AP1B1: variants seen among roughly 807,000 people sequenced by gnomAD.
AP1B1 encodes the protein AP-1 complex subunit beta-1.
A neutral mutation model predicts 104.3 loss-of-function variants in AP1B1; 36 were observed. The observed-to-expected ratio is 0.35, with a 90% CI of 0.26 to 0.46. AP1B1 has a LOEUF of 0.46. Ranked by LOEUF, AP1B1 falls within the 20% of genes least tolerant of loss-of-function variation. The pLI is 1.00. For missense variants in AP1B1, 901 were observed against 1,247.9 expected (o/e 0.72, Z 4.19); for synonymous variants, 504 against 517.5 (o/e 0.97, Z 0.35).
At position 29,331,777 on chromosome 22, in the gene AP1B1, C is replaced by G. The variant is rs766480290; in HGVS notation, c.2439+10G>C. ...TAAGGACTGGGGTGCCTGCCCTGCCCGGAACCCACCTGGAGGTTGTTCAGA... is the reference window on the plus strand; with the variant it reads ...TAAGGACTGGGGTGCCTGCCCTGCCGGGAACCCACCTGGAGGTTGTTCAGA... On this transcript the variant is annotated intron_variant, in intron 18 of 22. Transcript: ENST00000357586. The G allele has an allele frequency of 1.2e-6, 2 of 1,614,172 alleles. No homozygotes were observed. The highest frequency in any genetic ancestry group is 1.7e-6 in the Non-Finnish European group (2 of 1,180,030).
intron 5 of AP1B1, among the ~76,000 whole-genome samples, 173 bp from the exon 6 acceptor site, chr22:29,356,789 C>T (rs532576696): frequency 1.3e-5 from 2 of 152,310 alleles, no homozygotes; most frequent in East Asian, 3.9e-4. Context: ...CTGCTGACTC[C>T]TCTGCAAACT....
intron 14 of AP1B1, 100 bp from the exon 15 acceptor site, chr22:29,339,874 G>T: frequency 1.5e-6 from 2 of 1,321,768 alleles, no homozygotes; most frequent in Middle Eastern, 1.8e-4. Flanking sequence ...AGGGAAAGAG[G>T]GAGATTAGTC....
intron 5 of AP1B1, 118 bp downstream of exon 5, chr22:29,358,608 C>T: frequency 7.3e-7 from 1 of 1,379,266 alleles, no homozygotes; most frequent in Non-Finnish European, 9.9e-7. Context: ...ACAACTGGCA[C>T]CCCCAGCCAG....
chr22:29,351,805 T>C lies in AP1B1; in HGVS notation c.959A>G (p.Glu320Gly). The C allele has an allele frequency of 6.2e-7, 1 of 1,614,222 alleles. No individual in the cohort carries two copies. Among genetic ancestry groups the C allele is most frequent in the Non-Finnish European group, 8.5e-7 (1 of 1,180,034 alleles). Residue 320 changes from glutamate (E) to glycine (G), a missense_variant, in exon 8 of 23, where the codon GAG becomes GGG. Glu to Gly is a moderately conservative substitution (Grantham distance 98). This residue lies in a region of AP1B1 where 471 missense variants were observed against 696.7 expected (regional missense o/e 0.68). Coordinates refer to ENST00000357586, the MANE Select transcript of AP1B1 (RefSeq NM_001127.4). ...VQKRPEILKH[E>G]MKVFFVKYND... ...GTACTTCACGAAGAACACCTTCATC[T>C]CATGCTTCAGGATCTCAGGCCTGGT... is the stretch of plus-strand genomic sequence containing the variant.
At position 29,341,565 on chromosome 22, in the gene AP1B1, G is replaced by A; in HGVS notation, c.1732C>T (p.Pro578Ser). Residue 578 changes from proline (P) to serine (S), a missense_variant, in exon 13 of 23, where the codon CCC (proline) becomes TCC (serine). Pro to Ser is a moderately conservative substitution (Grantham distance 74). Around this residue, in one of 3 missense-constraint regions of AP1B1, gnomAD observed 424 missense variants for 494.0 expected, o/e 0.86. Coordinates refer to ENST00000357586, the MANE Select transcript of AP1B1 (RefSeq NM_001127.4). ...GTLASVYHKP[P>S]SAFVEGGRGV... ...CGGCCCCCCTCCACAAAGGCACTGG[G>A]AGGCTTATGGTAGACGGAAGCCAGC... 2 of 1,614,222 alleles carry A rather than the reference G, an allele frequency of 1.2e-6. No individual in the cohort carries two copies. Among genetic ancestry groups the A allele is most frequent in the Non-Finnish European group, 1.7e-6 (2 of 1,180,034 alleles).
At chr22:29,332,168 C>T (rs931515216) in intron 17 of AP1B1, 1 of 418,232 alleles carries the variant, frequency 2.4e-6, no homozygotes, top group African/African-American at 2.0e-5. Flanking sequence ...GGCCTGAAGC[C>T]CAGCTCTGTT....
chr22:29,342,227 AG>A, intron 12 of AP1B1, 57 bp downstream of exon 12: 3 of 1,440,110 alleles, frequency 2.1e-6, no homozygotes, highest in Middle Eastern at 2.1e-4. Flanking sequence ...CTGGGACAAA[AG>A]TTCCCCTGCT....
rs1031871875 is a variant in AP1B1, at chr22:29,340,786, G to A, written c.1868C>T (p.Pro623Leu). 2 of 1,600,616 alleles carry A rather than the reference G, an allele frequency of 1.2e-6. No individual in the cohort carries two copies. Among genetic ancestry groups the A allele is most frequent in the Admixed American group, 1.7e-5 (1 of 57,408 alleles). The change falls in exon 14 of 23, where the codon CCC becomes CTC. Residue 623 changes from proline to leucine, a missense_variant. Around this residue, in one of 3 missense-constraint regions of AP1B1, gnomAD observed 424 missense variants for 494.0 expected, o/e 0.86. Coordinates refer to ENST00000357586, the MANE Select transcript of AP1B1 (RefSeq NM_001127.4). ...APPGEQPDVI[P>L]AQGDLLGDLL... ...GTCACCCAGCAGGTCGCCCTGGGCG[G>A]GGATGACATCTGGCTGCTCCCCAGG...
chr22:29,332,378 A>G (rs1019340099), intron 17 of AP1B1: 2 of 153,842 alleles, frequency 1.3e-5, no homozygotes, highest in African/African-American at 4.8e-5. Flanking sequence ...GCTAGATTTT[A>G]CTCTCTTGGC....
chr22:29,341,931 C>G (rs2061721741), intron 12 of AP1B1, among the ~76,000 whole-genome samples, 171 bp from the exon 13 acceptor site: 1 of 152,198 alleles, frequency 6.6e-6, no homozygotes, highest in Admixed American at 6.5e-5. Flanking sequence ...TGCCCTGGCC[C>G]CGGGCTCATT....
intron 17 of AP1B1, chr22:29,333,148 C>A (rs1424013675): frequency 6.5e-6 from 1 of 154,692 alleles, no homozygotes; most frequent in Admixed American, 6.5e-5. Flanking sequence ...GACCTACTGG[C>A]CCCCAGGCTT....
At chr22:29,355,213 G>A (rs1008934835) in intron 6 of AP1B1, among the ~76,000 whole-genome samples, 1 of 151,942 alleles carries the variant, frequency 6.6e-6, no homozygotes, top group Non-Finnish European at 1.5e-5. Flanking sequence ...CTCCAGCCTG[G>A]GCAACAGAGT....
intron 6 of AP1B1, among the ~76,000 whole-genome samples, chr22:29,355,137 T>C (rs2061935823): frequency 6.6e-6 from 1 of 151,796 alleles, no homozygotes; most frequent in Admixed American, 6.6e-5. Flanking sequence ...CTCAGGAGGC[T>C]GAGACATGAG....
chr22:29,338,685 G>A (rs996446991), intron 16 of AP1B1, among the ~76,000 whole-genome samples: 25 of 152,298 alleles, frequency 1.6e-4, no homozygotes, highest in African/African-American at 5.5e-4. Flanking sequence ...ACAGGCCTCT[G>A]CTGATTCCCT....
At chr22:29,380,291 C>T (rs2062416398) in intron 1 of AP1B1, among the ~76,000 whole-genome samples, 1 of 152,166 alleles carries the variant, frequency 6.6e-6, no homozygotes, top group Admixed American at 6.5e-5. Context: ...ACACTGTGTG[C>T]CCCAGGGCTC....
intron 22 of AP1B1, 129 bp downstream of exon 22, chr22:29,329,583 G>A: frequency 6.5e-7 from 1 of 1,539,388 alleles, no homozygotes; most frequent in South Asian, 1.3e-5. Flanking sequence ...AGGGCCACCT[G>A]GCTGAAGCCC....
In AP1B1 at chr22:29,351,239, T is replaced by C. The variant is rs756010735; in HGVS notation, c.1087A>G (p.Thr363Ala). 2.5e-5 allele frequency: 40 copies of C among 1,614,064 alleles called. No homozygotes were observed. Among genetic ancestry groups the C allele is most frequent in the Non-Finnish European group, 3.3e-5 (39 of 1,180,034 alleles). ...CGTACAAAGTCCACATCCACTTCTG[T>C]TGCGTACTCTTTCAGCTCTGCCAAC... ...QVLAELKEYATEVDVDFVRKA... is the reference protein window; with the variant it reads ...QVLAELKEYAAEVDVDFVRKA... Residue 363 changes from threonine to alanine, a missense_variant, in exon 9 of 23, where the codon ACA becomes GCA. Around this residue, in one of 3 missense-constraint regions of AP1B1, gnomAD observed 471 missense variants for 696.7 expected, o/e 0.68. Coordinates refer to ENST00000357586, the MANE Select transcript of AP1B1 (RefSeq NM_001127.4).
chr22:29,388,516 G>C lies in AP1B1; in HGVS notation c.-120C>G, dbSNP rs1281247140. The C allele has an allele frequency of 6.6e-6, 1 of 152,174 alleles. No individual in the cohort carries two copies. The highest frequency in any genetic ancestry group is 2.4e-5 in the African/African-American group (1 of 41,436). 9.4% of individuals were successfully genotyped at this position (152,174 alleles called of 1,614,324 possible). ...CACCTCTCGCTCTCCCGGTGCGTCCGGGCTGCCGGCGGCTCGGAGCCCCGC... is the reference window on the plus strand; with the variant it reads ...CACCTCTCGCTCTCCCGGTGCGTCCCGGCTGCCGGCGGCTCGGAGCCCCGC... On this transcript the variant is annotated 5_prime_UTR_variant, in exon 1 of 23. Transcript: ENST00000357586.
intron 5 of AP1B1, among the ~76,000 whole-genome samples, chr22:29,358,222 C>A (rs1201025268): frequency 6.6e-6 from 1 of 152,180 alleles, no homozygotes; most frequent in Non-Finnish European, 1.5e-5. Context: ...GGTTCCACAT[C>A]CAGCTACATC....
Sources: gnomAD v4.1 joint callset for allele counts (sites outside exome capture counted in the v4.1 genomes callset) on GRCh38, gnomAD v4.1.1 for gene constraint, gnomAD v4.1.1 regional missense constraint, MANE v1.5 for transcripts, NCBI Gene and HGNC (gene_info 2026-07-23, HGNC 2026-07-21) for gene names.